Variants in SFXN1 observed in about 807,000 individuals in gnomAD.
SFXN1 encodes the protein sideroflexin 1.
In SFXN1, 32 loss-of-function variants were observed where a neutral mutation model predicts 39.5. The observed-to-expected ratio is 0.81, with a 90% CI of 0.61 to 1.09. SFXN1 has a LOEUF of 1.09. Ranked by LOEUF, SFXN1 falls within the 50% of genes least tolerant of loss-of-function variation. The pLI is 0.00. For missense variants in SFXN1, 402 were observed against 407.1 expected (o/e 0.99, Z 0.11); for synonymous variants, 136 against 146.5 (o/e 0.93, Z 0.52).
At chr5:175,480,417 A>T (rs1484580800) in intron 1 of SFXN1, among the ~76,000 whole-genome samples, 1 of 151,752 alleles carries the variant, frequency 6.6e-6, no homozygotes, top group African/African-American at 2.4e-5. Context: ...AAAAAAATAC[A>T]GTGTTTGGCA....
chr5:175,490,644 G>T (rs1191745769), intron 1 of SFXN1, among the ~76,000 whole-genome samples: 1 of 152,180 alleles, frequency 6.6e-6, no homozygotes, highest in Non-Finnish European at 1.5e-5. Context: ...ATGGTTTGAA[G>T]CCTTTATAGT....
chr5:175,522,002 T>C, intron 9 of SFXN1, 34 bp downstream of exon 9: 1 of 1,547,262 alleles, frequency 6.5e-7, no homozygotes, highest in Non-Finnish European at 8.9e-7. Flanking sequence ...AATTAATTTC[T>C]TTTAAAATAT....
At chr5:175,493,562 A>T (rs1393355004) in intron 2 of SFXN1, among the ~76,000 whole-genome samples, 1 of 152,232 alleles carries the variant, frequency 6.6e-6, no homozygotes, top group East Asian at 1.9e-4. Context: ...AACATCCTGG[A>T]ACCTTACGAG....
At chr5:175,520,566 ACAGT>A (rs970203431) in intron 8 of SFXN1, among the ~76,000 whole-genome samples, 1 of 152,216 alleles carries the variant, frequency 6.6e-6, no homozygotes, top group South Asian at 2.1e-4. Context: ...TGCATGAGCC[ACAGT>A]CAGCACGTAG....
At chr5:175,499,569 A>G (rs1206339081) in intron 2 of SFXN1, among the ~76,000 whole-genome samples, 1 of 152,212 alleles carries the variant, frequency 6.6e-6, no homozygotes, top group African/African-American at 2.4e-5. Flanking sequence ...GTATTATCAT[A>G]TCAATAGATG....
In SFXN1 at chr5:175,500,455, A is replaced by ACAC. The variant is rs1760033531; in HGVS notation, c.164+8188_164+8189insCAC. Among the ~76,000 whole-genome samples the ACAC allele has an allele frequency of 3.9e-5, 5 of 128,750 alleles. No individual in the cohort carries two copies. In the East Asian group the frequency reaches 7.4e-4, roughly 19 times the overall value. The allele number at this position is 128,750 out of a possible 152,430, so 84.5% of individuals were successfully genotyped here. ...ACACACACACACACACACACACACA[A>ACAC]ATTACAGAGAAAAAAACAGAGCTTG... On this transcript the variant is annotated intron_variant, in intron 2 of 10. Coordinates refer to ENST00000321442, the MANE Select transcript of SFXN1 (RefSeq NM_022754.7).
chr5:175,522,909 A>T (rs1446692734), intron 10 of SFXN1: 1 of 154,218 alleles, frequency 6.5e-6, no homozygotes, highest in African/African-American at 2.4e-5. Context: ...CCTGCCTTTG[A>T]TGTGAGAACA....
intron 1 of SFXN1, 172 bp downstream of exon 1, chr5:175,478,811 G>GT (rs1561646900): frequency 6.6e-6 from 1 of 152,166 alleles, no homozygotes; most frequent in African/African-American, 2.4e-5. Context: ...CTCGGGCCGG[G>GT]GGGGGGGTCC....
At chr5:175,508,800 G>A (rs1436483761) in intron 2 of SFXN1, among the ~76,000 whole-genome samples, 3 of 151,974 alleles carry the variant, frequency 2.0e-5, no homozygotes, top group Non-Finnish European at 4.4e-5. Flanking sequence ...ACCGCACCCG[G>A]CTAATTTTTG....
chr5:175,512,213 C>G lies in SFXN1; in HGVS notation c.596+17C>G. ...GAGGCAAAGGTAAGACGAATATGCACTCTTAGTAGGGACATGTGCTTGACA... is the reference window on the plus strand; with the variant it reads ...GAGGCAAAGGTAAGACGAATATGCAGTCTTAGTAGGGACATGTGCTTGACA... On this transcript the variant is annotated intron_variant, in intron 6 of 10. Coordinates refer to ENST00000321442, the MANE Select transcript of SFXN1 (RefSeq NM_022754.7). 1 of 1,604,326 alleles carries G rather than the reference C, an allele frequency of 6.2e-7. No homozygotes were observed. Among genetic ancestry groups the G allele is most frequent in the Middle Eastern group, 1.7e-4 (1 of 6,044 alleles).
rs950134546 is a variant in SFXN1 at position 175,521,707 on chromosome 5, A to G, written c.775-212A>G. Among the ~76,000 whole-genome samples the G allele has an allele frequency of 2.2e-4, 34 of 152,230 alleles. 1 individual carries two copies. The highest frequency in any genetic ancestry group is 1.0e-4 in the Non-Finnish European group (7 of 68,046). On this transcript the variant is annotated intron_variant, in intron 8 of 10. Coordinates refer to ENST00000321442, the MANE Select transcript of SFXN1 (RefSeq NM_022754.7). ...GGGACTGGGAGGAAAAATAGAAGCC[A>G]CTTGATCTTTGCGTGTGTGCTGATT...
intron 10 of SFXN1, among the ~76,000 whole-genome samples, chr5:175,525,427 C>T (rs531666183): frequency 8.8e-4 from 134 of 152,260 alleles, no homozygotes; most frequent in Non-Finnish European, 1.7e-3. Context: ...TCATCAGTGT[C>T]GTCATCATCA....
At chr5:175,519,542 CAAAGT>C (rs911523984) in intron 8 of SFXN1, among the ~76,000 whole-genome samples, 10 of 152,074 alleles carry the variant, frequency 6.6e-5, no homozygotes, top group African/African-American at 2.4e-4. Flanking sequence ...GAAGGCGTCT[CAAAGT>C]AATTACACAA....
chr5:175,489,366 G>C (rs1759572197), intron 1 of SFXN1, among the ~76,000 whole-genome samples: 1 of 152,190 alleles, frequency 6.6e-6, no homozygotes, highest in Non-Finnish European at 1.5e-5. Context: ...TCATGGACAG[G>C]AGCCAGTGTG....
intron 1 of SFXN1, among the ~76,000 whole-genome samples, chr5:175,480,214 AGC>A (rs1759185085): frequency 6.6e-6 from 1 of 152,206 alleles, no homozygotes; most frequent in Non-Finnish European, 1.5e-5. Context: ...ATCCTGGCTA[AGC>A]CGGTGAAACC....
chr5:175,492,388 CAAAAA>C (rs11318563), intron 2 of SFXN1, 121 bp downstream of exon 2: 25 of 636,514 alleles, frequency 3.9e-5, no homozygotes, highest in Non-Finnish European at 2.2e-5. Flanking sequence ...TTCTTTTGAC[CAAAAA>C]AAAAAAAAGG....
chr5:175,483,801 A>G (rs1759345962), intron 1 of SFXN1: 1 of 152,256 alleles, frequency 6.6e-6, no homozygotes, highest in Non-Finnish European at 1.5e-5. Context: ...GCCTGAAGGC[A>G]CCACCCCAGC....
At chr5:175,519,578 G>A (rs924342540) in intron 8 of SFXN1, among the ~76,000 whole-genome samples, 15 of 152,212 alleles carry the variant, frequency 9.9e-5, no homozygotes, top group African/African-American at 3.1e-4. Flanking sequence ...ACTGTATATC[G>A]AGTCCTAGAA....
In SFXN1 at chr5:175,510,520, G is replaced by A. The variant is rs113984346; in HGVS notation, c.434+313G>A. The stretch of plus-strand genomic sequence containing the variant: ...TGTAGAACACATGGCAGGCAGCACC[G>A]GCCTGGCCTCTGATAAGTGACAGGC... On this transcript the variant is annotated intron_variant, in intron 4 of 10. Coordinates refer to ENST00000321442, the MANE Select transcript of SFXN1 (RefSeq NM_022754.7). 6.9e-3 allele frequency among the ~76,000 whole-genome samples: 1,045 copies of A among 152,168 alleles called. 9 individuals carry two copies. The highest frequency in any genetic ancestry group is 0.024 in the African/African-American group (979 of 41,518).
Sources: allele counts gnomAD v4.1 joint callset (sites outside exome capture counted in the v4.1 genomes callset), GRCh38; gene constraint gnomAD v4.1.1; transcripts MANE v1.5; gene names NCBI Gene and HGNC (gene_info 2026-07-23, HGNC 2026-07-21).